DRG1: variants seen among roughly 807,000 people sequenced by gnomAD.
DRG1 encodes developmentally-regulated GTP-binding protein 1.
In DRG1, 19 loss-of-function variants were observed where a neutral mutation model predicts 38.8. That is an observed-to-expected ratio of 0.49 (90% CI 0.34 to 0.72). The LOEUF is 0.72. Ranked by LOEUF, DRG1 falls within the 30% of genes least tolerant of loss-of-function variation. DRG1 has a pLI of 0.01. For missense variants in DRG1, 299 were observed against 444.8 expected (o/e 0.67, Z 2.95); for synonymous variants, 167 against 157.5 (o/e 1.06, Z -0.45).
chr22:31,406,488 T>C (rs1032687754), intron 3 of DRG1, among the ~76,000 whole-genome samples: 5 of 152,072 alleles, frequency 3.3e-5, no homozygotes, highest in African/African-American at 1.2e-4. Flanking sequence ...GTATAAACTT[T>C]TTGAGCTTGG....
At chr22:31,430,592 G>A (rs1203861914) in intron 8 of DRG1, among the ~76,000 whole-genome samples, 2 of 151,738 alleles carry the variant, frequency 1.3e-5, no homozygotes, top group Non-Finnish European at 2.9e-5. Context: ...GTAGAGATGG[G>A]GTCTCACCGT....
intron 4 of DRG1, among the ~76,000 whole-genome samples, chr22:31,413,336 C>T (rs2050028140): frequency 6.6e-6 from 1 of 151,806 alleles, no homozygotes; most frequent in African/African-American, 2.4e-5. Flanking sequence ...CTCAGTGATC[C>T]TCCTGCCTTG....
At chr22:31,409,304 C>T (rs983841498) in intron 3 of DRG1, among the ~76,000 whole-genome samples, 36 of 151,914 alleles carry the variant, frequency 2.4e-4, no homozygotes, top group Non-Finnish European at 3.4e-4. Flanking sequence ...AGGATGGTCT[C>T]GAACTCCTGA....
At chr22:31,426,438 T>C (rs1345112691) in intron 6 of DRG1, 177 bp from the exon 7 acceptor site, 1 of 560,090 alleles carries the variant, frequency 1.8e-6, no homozygotes, top group Non-Finnish European at 3.1e-6. Flanking sequence ...TGACTTCTGT[T>C]ACTTTTCAAC....
chr22:31,418,531 T>C (rs904704416), intron 4 of DRG1, among the ~76,000 whole-genome samples: 2 of 152,062 alleles, frequency 1.3e-5, no homozygotes, highest in Non-Finnish European at 2.9e-5. Flanking sequence ...TTTTCTGAGA[T>C]GGCGCTCTGT....
chr22:31,425,001 C>G (rs2050102017), intron 6 of DRG1, among the ~76,000 whole-genome samples: 1 of 148,852 alleles, frequency 6.7e-6, no homozygotes, highest in Non-Finnish European at 1.5e-5. Context: ...CGGGGTTTCT[C>G]CATGTTAGCC....
rs370820729 is a variant in DRG1 at position 31,420,374 on chromosome 22, C to T, written c.531C>T (p.Pro177=). The stretch of plus-strand genomic sequence containing the variant: ...GCATTCGCTTGAACAGCAAACCCCC[C>T]AACATTGGCTTTAAGAAGAAGGACA... The part of the protein sequence containing the change: ...GFGIRLNSKP[P]NIGFKKKDKG... Residue 177 remains proline (P), a synonymous_variant, in exon 5 of 9, where the codon CCC becomes CCT. Transcript: ENST00000331457. 6.2e-7 allele frequency: 1 copy of T among 1,614,092 alleles called. No homozygotes were observed. The highest frequency in any genetic ancestry group is 8.5e-7 in the Non-Finnish European group (1 of 1,180,036).
rs148069806 is a variant in DRG1, at chr22:31,420,373, C to G, written c.530C>G (p.Pro177Arg). The change falls in exon 5 of 9, where the codon CCC (proline) becomes CGC (arginine). Residue 177 changes from proline to arginine, a missense_variant. By Grantham distance (103) the Pro-to-Arg change is moderately radical. Coordinates refer to ENST00000331457, the MANE Select transcript of DRG1 (RefSeq NM_004147.4). The part of the protein sequence containing the change: ...GFGIRLNSKP[P>R]NIGFKKKDKG... ...GGCATTCGCTTGAACAGCAAACCCC[C>G]CAACATTGGCTTTAAGAAGAAGGAC... The G allele has an allele frequency of 1.5e-5, 25 of 1,614,038 alleles. No homozygotes were observed. The highest frequency in any genetic ancestry group is 2.1e-5 in the Non-Finnish European group (25 of 1,180,050).
At chr22:31,426,502 AC>A in intron 6 of DRG1, 112 bp from the exon 7 acceptor site, 1 of 840,782 alleles carries the variant, frequency 1.2e-6, no homozygotes, top group South Asian at 2.0e-5. Flanking sequence ...TCTGCTACTT[AC>A]AGTCCCTCTT....
At chr22:31,420,218 T>C (rs1185570171) in intron 4 of DRG1, 38 bp from the exon 5 acceptor site, 7 of 1,601,306 alleles carry the variant, frequency 4.4e-6, no homozygotes, top group Non-Finnish European at 5.1e-6. Flanking sequence ...TAAGGCTTTA[T>C]TGAACTTTCT....
chr22:31,426,705 A>C lies in DRG1; in HGVS notation c.804A>C (p.Val268=), dbSNP rs1333545410. The C allele has an allele frequency of 5.6e-6, 9 of 1,614,144 alleles. No homozygotes were observed. Among genetic ancestry groups the C allele is most frequent in the Admixed American group, 1.7e-5 (1 of 60,002 alleles). The change falls in exon 7 of 9, where the codon GTA becomes GTC. Residue 268 remains valine, a synonymous_variant. Coordinates refer to ENST00000331457, the MANE Select transcript of DRG1 (RefSeq NM_004147.4). ...LDIIYKVPHC[V]PISAHHRWNF... ...TCATCTATAAGGTGCCTCACTGTGT[A>C]CCCATCTCTGCCCATCACCGCTGGA...
intron 3 of DRG1, among the ~76,000 whole-genome samples, chr22:31,409,772 T>C (rs1000696801): frequency 6.6e-6 from 1 of 152,050 alleles, no homozygotes; most frequent in Admixed American, 6.6e-5. Flanking sequence ...GGTGGGTGGA[T>C]TGCCTGAGCT....
intron 4 of DRG1, among the ~76,000 whole-genome samples, chr22:31,420,049 A>G (rs930435358): frequency 6.6e-6 from 1 of 152,174 alleles, no homozygotes; most frequent in African/African-American, 2.4e-5. Flanking sequence ...CTCTTGGGCA[A>G]ATAGGTGCTG....
chr22:31,417,349 G>A lies in DRG1; in HGVS notation c.413-2907G>A, dbSNP rs537558884. ...TTGCACCACTGCACTCCAGCCTGGC[G>A]ACAGAGCAAGACTCTGTGTCAAAAA... On this transcript the variant is annotated intron_variant, in intron 4 of 8. Coordinates refer to ENST00000331457, the MANE Select transcript of DRG1 (RefSeq NM_004147.4). 2.2e-3 allele frequency among the ~76,000 whole-genome samples: 320 copies of A among 148,060 alleles called. 1 individual carries two copies. Among genetic ancestry groups the A allele is most frequent in the African/African-American group, 4.7e-3 (190 of 40,136 alleles).
In DRG1 at chr22:31,433,959, T is replaced by C. The variant is rs550094832; in HGVS notation, c.1092T>C (p.Ile364=). Residue 364 remains isoleucine (I), a synonymous_variant, in exon 9 of 9, where the codon ATT becomes ATC. Transcript: ENST00000331457. ...HTLEDEDVIQ[I]VKK is the part of the protein sequence containing the mutation. ...TGGAGGATGAGGATGTCATTCAAAT[T>C]GTGAAGAAGTGAAACCTTTCCCTTT... 171 of 1,613,954 alleles carry C rather than the reference T, an allele frequency of 1.1e-4. 2 individuals are homozygous for C. The South Asian group carries it at 1.8e-3, about 17-fold the overall frequency.
At chr22:31,416,841 T>C (rs1034908368) in intron 4 of DRG1, among the ~76,000 whole-genome samples, 6 of 151,116 alleles carry the variant, frequency 4.0e-5, no homozygotes, top group African/African-American at 7.3e-5. Flanking sequence ...CGGCAGAGGT[T>C]GTAGTGAGCG....
intron 6 of DRG1, among the ~76,000 whole-genome samples, chr22:31,426,355 C>T (rs1368636961): frequency 1.3e-5 from 2 of 152,228 alleles, no homozygotes; most frequent in Non-Finnish European, 2.9e-5. Flanking sequence ...TCAGTCTGAG[C>T]ACTTCAAAGC....
chr22:31,426,597 T>C lies in DRG1; in HGVS notation c.714-18T>C. The C allele has an allele frequency of 6.3e-7, 1 of 1,599,890 alleles. No homozygotes were observed. Among genetic ancestry groups the C allele is most frequent in the Non-Finnish European group, 8.5e-7 (1 of 1,172,788 alleles). The stretch of plus-strand genomic sequence containing the variant: ...AACAACTCCAGACTAATACCCTGTT[T>C]TTCTTCACTTTCTGTAGAGTTTATA... On this transcript the variant is annotated intron_variant, in intron 6 of 8. Coordinates refer to ENST00000331457, the MANE Select transcript of DRG1 (RefSeq NM_004147.4).
intron 5 of DRG1, among the ~76,000 whole-genome samples, chr22:31,422,182 AAC>A (rs1292428460): frequency 6.6e-6 from 1 of 152,032 alleles, no homozygotes; most frequent in Non-Finnish European, 1.5e-5. Context: ...CTGTAATCCC[AAC>A]ACTTTGGGAG....
Sources: gnomAD v4.1 joint callset for allele counts (sites outside exome capture counted in the v4.1 genomes callset) on GRCh38, gnomAD v4.1.1 for gene constraint, MANE v1.5 for transcripts, NCBI Gene and HGNC (gene_info 2026-07-23, HGNC 2026-07-21) for gene names.